CPM: variants seen among roughly 807,000 people sequenced by gnomAD.
CPM encodes carboxypeptidase M, also known as renal carboxypeptidase.
In CPM, 35 loss-of-function variants were observed where a neutral mutation model predicts 46.4. The ratio of observed to expected loss-of-function variants is 0.75; its 90% CI spans 0.58 to 1.00. The LOEUF (loss-of-function observed/expected upper bound fraction) is 1.00. CPM is among the 50% of genes least tolerant of loss of function. The pLI is 0.00. For synonymous variants in CPM, 195 were observed against 195.3 expected (o/e 1.00, Z 0.01); for missense variants, 422 against 530.4 (o/e 0.80, Z 2.01).
intron 3 of CPM, among the ~76,000 whole-genome samples, chr12:68,876,989 G>C (rs1256458294): frequency 2.0e-5 from 3 of 152,092 alleles, no homozygotes; most frequent in Non-Finnish European, 4.4e-5. Context: ...GCTACCCTGT[G>C]ATGCAGCTTC....
downstream of CPM, chr12:68,849,650 C>G (rs187145022): frequency 1.3e-5 from 2 of 150,840 alleles, no homozygotes; most frequent in Middle Eastern, 3.4e-3. Flanking sequence ...CTGCCTGCCT[C>G]GGCCTCCCAA....
Position 68,906,065 on chromosome 12 carries a change from C to T in CPM, c.161-20176G>A, listed in dbSNP as rs116720431. 2.8e-3 allele frequency among the ~76,000 whole-genome samples: 430 copies of T among 152,320 alleles called. 2 individuals are homozygous for T. Among genetic ancestry groups the T allele is most frequent in the African/African-American group, 9.9e-3 (412 of 41,560 alleles). ...GGTTTCGCTTCAAGATGGTGTTACC[C>T]TTGCAGTGCACCAGGCTGTTTTCCT... On this transcript the variant is annotated intron_variant, in intron 2 of 8. Coordinates refer to ENST00000551568, the MANE Select transcript of CPM (RefSeq NM_198320.5).
intron 7 of CPM, among the ~76,000 whole-genome samples, chr12:68,863,993 T>G (rs1193105076): frequency 6.6e-6 from 1 of 152,246 alleles, no homozygotes; most frequent in African/African-American, 2.4e-5. Context: ...ATAACCACAC[T>G]GTATTGGTAT....
Position 68,855,483 on chromosome 12 carries a change from G to GGA in CPM, c.*952_*953dup, listed in dbSNP as rs1884922487. On this transcript the variant is annotated 3_prime_UTR_variant, in exon 9 of 9. Coordinates refer to ENST00000551568, the MANE Select transcript of CPM (RefSeq NM_198320.5). ...TGCCAAAAGCTAGGGAAACGGCTCT[G>GGA]GAGAGAGAGGGGCTTTCTTAATTGA... 1 of 152,154 alleles carries GGA rather than the reference G, an allele frequency of 6.6e-6. No individual in the cohort carries two copies. The highest frequency in any genetic ancestry group is 2.1e-4 in the South Asian group (1 of 4,776). 9.4% of individuals were successfully genotyped at this position (152,154 alleles called of 1,614,324 possible). A position where few individuals can be genotyped will look rare whatever the true frequency, so the allele number is the denominator to read the frequency against.
intron 2 of CPM, among the ~76,000 whole-genome samples, chr12:68,931,221 T>A (rs1278683304): frequency 6.6e-6 from 1 of 152,300 alleles, no homozygotes; most frequent in East Asian, 1.9e-4. Context: ...ACTTTTTCTT[T>A]AATATAGAAG....
intron 7 of CPM, among the ~76,000 whole-genome samples, chr12:68,862,789 T>C (rs1211583662): frequency 2.6e-5 from 4 of 151,348 alleles, no homozygotes; most frequent in East Asian, 1.9e-4. Context: ...TTCTATATGC[T>C]GAAGTTGAAA....
At chr12:68,917,796 C>T (rs73146664) in intron 2 of CPM, among the ~76,000 whole-genome samples, 20,316 of 152,180 alleles carry the variant, frequency 0.13, 1,383 homozygotes, top group African/African-American at 0.16. Context: ...CATAGCTACA[C>T]GACCAGCTCC....
intron 2 of CPM, among the ~76,000 whole-genome samples, chr12:68,917,399 T>C (rs1887856615): frequency 6.6e-6 from 1 of 152,246 alleles, no homozygotes; most frequent in Admixed American, 6.5e-5. Flanking sequence ...CAATAAATGT[T>C]TACTAAATAA....
chr12:68,955,253 C>T (rs894729193), intron 1 of CPM, among the ~76,000 whole-genome samples: 1 of 152,232 alleles, frequency 6.6e-6, no homozygotes, highest in African/African-American at 2.4e-5. Flanking sequence ...CTGACACCTA[C>T]TCGCTTAGTG....
intron 2 of CPM, among the ~76,000 whole-genome samples, chr12:68,895,028 C>CAAAAAAAA (rs35142646): frequency 1.3e-5 from 1 of 78,242 alleles, no homozygotes; most frequent in Non-Finnish European, 2.4e-5. Context: ...GACTCAGTCT[C>CAAAAAAAA]AAAAAAAAAA....
chr12:68,916,424 CCATTCAATTACGG>C (rs1319522901), intron 2 of CPM, among the ~76,000 whole-genome samples: 1 of 152,186 alleles, frequency 6.6e-6, no homozygotes, highest in Non-Finnish European at 1.5e-5. Context: ...ATGAACAATT[CCATTCAATTACGG>C]CATTCAAATA....
chr12:68,946,766 A>G (rs61926311), intron 1 of CPM, among the ~76,000 whole-genome samples: 5,320 of 152,288 alleles, frequency 0.035, 155 homozygotes, highest in South Asian at 0.082. Context: ...TAGCGATACT[A>G]CCATAAATTA....
At chr12:68,953,989 A>T (rs1888975098) in intron 1 of CPM, among the ~76,000 whole-genome samples, 1 of 152,122 alleles carries the variant, frequency 6.6e-6, no homozygotes. Flanking sequence ...TCCCAGCCAG[A>T]TTTTCTATTT....
At chr12:68,931,677 C>T (rs556273780) in intron 2 of CPM, among the ~76,000 whole-genome samples, 60 of 133,544 alleles carry the variant, frequency 4.5e-4, no homozygotes, top group African/African-American at 1.4e-3. Context: ...CTCAGGAAGC[C>T]GGAGGTTGCA....
downstream of CPM, chr12:68,848,048 G>A (rs1362942358): frequency 1.3e-5 from 2 of 152,178 alleles, no homozygotes; most frequent in African/African-American, 4.8e-5. Context: ...AGGATCACTT[G>A]AGCCCAGGAG....
At chr12:68,922,714 A>G (rs1225988473) in intron 2 of CPM, among the ~76,000 whole-genome samples, 1 of 151,324 alleles carries the variant, frequency 6.6e-6, no homozygotes, top group Admixed American at 6.6e-5. Flanking sequence ...GAAAATGTGT[A>G]TTTTTAAAAC....
At chr12:68,868,293 T>C (rs1479683297) in intron 6 of CPM, among the ~76,000 whole-genome samples, 2 of 152,108 alleles carry the variant, frequency 1.3e-5, no homozygotes, top group African/African-American at 2.4e-5. Context: ...TGCCTATCAG[T>C]TGTGGTCTAT....
intron 7 of CPM, among the ~76,000 whole-genome samples, chr12:68,862,199 T>C (rs1298426341): frequency 7.2e-6 from 1 of 139,654 alleles, no homozygotes; most frequent in Non-Finnish European, 1.6e-5. Flanking sequence ...ATATTCCAGT[T>C]TGACCCTCAT....
intron 1 of CPM, among the ~76,000 whole-genome samples, chr12:68,956,223 A>G (rs1339227241): frequency 6.6e-6 from 1 of 152,214 alleles, no homozygotes; most frequent in East Asian, 1.9e-4. Flanking sequence ...TTGCTCCAAA[A>G]TCGGAGCAGG....
Sources: allele counts gnomAD v4.1 joint callset (sites outside exome capture counted in the v4.1 genomes callset), GRCh38; gene constraint gnomAD v4.1.1; transcripts MANE v1.5; gene names NCBI Gene and HGNC (gene_info 2026-07-23, HGNC 2026-07-21).